Variants in SLC39A11 observed in about 807,000 individuals in gnomAD.
SLC39A11 encodes solute carrier family 39 member 11.
In SLC39A11, 33 loss-of-function variants were observed where a neutral mutation model predicts 36.1. The ratio of observed to expected loss-of-function variants is 0.91; its 90% CI spans 0.69 to 1.22. The LOEUF is 1.22. Ranked by LOEUF, SLC39A11 falls within the 50% of genes most tolerant of loss-of-function variation. The pLI is 0.00. For missense variants in SLC39A11, 432 were observed against 430.3 expected (o/e 1.00, Z -0.03); for synonymous variants, 166 against 170.3 (o/e 0.97, Z 0.20).
At chr17:72,759,102 A>AAATAAT (rs776562987) in intron 6 of SLC39A11, among the ~76,000 whole-genome samples, 6 of 135,448 alleles carry the variant, frequency 4.4e-5, no homozygotes, top group South Asian at 3.0e-4. Context: ...TTTCATCTAA[A>AAATAAT]AATAATAACA....
In SLC39A11 at chr17:73,081,084, C is replaced by CAAT. The variant is rs539792913; in HGVS notation, c.147+3721_147+3723dup. On this transcript the variant is annotated intron_variant, in intron 3 of 9. Coordinates refer to ENST00000255559, the MANE Select transcript of SLC39A11 (RefSeq NM_139177.4). ...GCAACCTATACATCTGACAAAGGAC[C>CAAT]AATATCCAGAATCTACAAGGAACTC... 3.5e-3 allele frequency among the ~76,000 whole-genome samples: 532 copies of CAAT among 151,940 alleles called. 6 individuals carry two copies. Among genetic ancestry groups the CAAT allele is most frequent in the African/African-American group, 0.012 (496 of 41,420 alleles).
intron 6 of SLC39A11, among the ~76,000 whole-genome samples, chr17:72,844,743 C>A (rs551148953): frequency 6.6e-6 from 1 of 152,270 alleles, no homozygotes; most frequent in African/African-American, 2.4e-5. Context: ...CTAGACTTTG[C>A]AAGCCAACTC....
At chr17:72,815,821 T>C (rs1042645422) in intron 6 of SLC39A11, among the ~76,000 whole-genome samples, 3 of 151,908 alleles carry the variant, frequency 2.0e-5, no homozygotes, top group African/African-American at 7.3e-5. Context: ...ACTTGGGAGA[T>C]GAGGCAGGAG....
intron 7 of SLC39A11, among the ~76,000 whole-genome samples, chr17:72,656,118 A>G (rs1384835250): frequency 6.6e-6 from 1 of 152,112 alleles, no homozygotes; most frequent in Non-Finnish European, 1.5e-5. Flanking sequence ...GAAAGGTCAG[A>G]TGAGAGGTTT....
chr17:72,784,763 C>T (rs960033646), intron 6 of SLC39A11, among the ~76,000 whole-genome samples: 9 of 152,042 alleles, frequency 5.9e-5, no homozygotes, highest in Non-Finnish European at 1.2e-4. Flanking sequence ...TGATTATAAG[C>T]TTCCTGAGAC....
Position 72,894,466 on chromosome 17 carries a change from A to G in SLC39A11, c.431-44662T>C, listed in dbSNP as rs2081929734. On this transcript the variant is annotated intron_variant, in intron 5 of 9. Coordinates refer to ENST00000255559, the MANE Select transcript of SLC39A11 (RefSeq NM_139177.4). The stretch of plus-strand genomic sequence containing the variant: ...GGGCAGATCACGAGGTCAGGAGACC[A>G]TCCTGGCTAACATGGTGAAACCTCA... Among the ~76,000 whole-genome samples, 9 of 145,958 alleles carry G rather than the reference A, an allele frequency of 6.2e-5. 1 individual carries two copies. In the South Asian group the frequency reaches 2.0e-3, roughly 32 times the overall value.
chr17:72,674,147 C>A (rs755338226), intron 7 of SLC39A11, among the ~76,000 whole-genome samples: 1 of 152,000 alleles, frequency 6.6e-6, no homozygotes, highest in African/African-American at 2.4e-5. Context: ...ACCCCTACTC[C>A]CTCCTTCCCT....
chr17:72,870,186 G>C (rs2080534677), intron 5 of SLC39A11, among the ~76,000 whole-genome samples: 1 of 152,162 alleles, frequency 6.6e-6, no homozygotes, highest in African/African-American at 2.4e-5. Flanking sequence ...AGACCACACT[G>C]AGAAACCCTG....
At chr17:73,010,403 G>C (rs2090447966) in intron 4 of SLC39A11, among the ~76,000 whole-genome samples, 2 of 152,290 alleles carry the variant, frequency 1.3e-5, no homozygotes, top group South Asian at 2.1e-4. Flanking sequence ...TTGAATTATG[G>C]AGAATGAAAC....
rs576476222 is a variant in SLC39A11 at position 72,670,270 on chromosome 17, C to T, written c.672-21002G>A. 8.3e-4 allele frequency among the ~76,000 whole-genome samples: 124 copies of T among 149,888 alleles called. 1 individual carries two copies. Among genetic ancestry groups the T allele is most frequent in the African/African-American group, 2.9e-3 (116 of 40,674 alleles). Reference sequence around the variant, plus strand: ...TCTGTGGTCCCAGTTACTCATGAGGCGGAGACAGGATGATCACTTGAGGCT... The same window carrying T: ...TCTGTGGTCCCAGTTACTCATGAGGTGGAGACAGGATGATCACTTGAGGCT... On this transcript the variant is annotated intron_variant, in intron 7 of 9. Transcript: ENST00000255559.
intron 5 of SLC39A11, among the ~76,000 whole-genome samples, chr17:72,894,526 C>T (rs1319616980): frequency 2.0e-5 from 3 of 146,586 alleles, no homozygotes; most frequent in South Asian, 2.2e-4. Context: ...AAAAATTAGC[C>T]GGGTGTGGTG....
chr17:72,726,701 A>G (rs1192578955), intron 7 of SLC39A11, among the ~76,000 whole-genome samples: 1 of 152,244 alleles, frequency 6.6e-6, no homozygotes, highest in East Asian at 1.9e-4. Context: ...TTGCTTTGTT[A>G]ACTAATGGCT....
chr17:72,961,524 G>T (rs922928875), intron 4 of SLC39A11, among the ~76,000 whole-genome samples: 2 of 152,168 alleles, frequency 1.3e-5, no homozygotes, highest in Non-Finnish European at 2.9e-5. Flanking sequence ...TTAAAAAAAT[G>T]TGGCACATAT....
intron 7 of SLC39A11, among the ~76,000 whole-genome samples, chr17:72,720,479 C>T (rs538613875): frequency 7.5e-6 from 1 of 133,052 alleles, no homozygotes; most frequent in Non-Finnish European, 1.6e-5. Flanking sequence ...TCCCTGCAGA[C>T]AGTGGAAGCT....
intron 6 of SLC39A11, among the ~76,000 whole-genome samples, chr17:72,775,295 C>A (rs1358771432): frequency 2.0e-5 from 3 of 152,210 alleles, no homozygotes; most frequent in Non-Finnish European, 4.4e-5. Flanking sequence ...TGGGGTCCAA[C>A]CTTCAGGCTG....
intron 4 of SLC39A11, among the ~76,000 whole-genome samples, chr17:73,007,854 A>G (rs993569297): frequency 1.6e-4 from 24 of 152,188 alleles, no homozygotes; most frequent in African/African-American, 5.1e-4. Flanking sequence ...TATAATCCCA[A>G]CACTTTGGGA....
At chr17:72,945,175 A>C (rs894675228) in intron 5 of SLC39A11, among the ~76,000 whole-genome samples, 3 of 152,118 alleles carry the variant, frequency 2.0e-5, no homozygotes, top group African/African-American at 7.2e-5. Flanking sequence ...TGATATCAGA[A>C]AACATTGCAC....
chr17:72,951,322 A>G (rs2085850610), intron 4 of SLC39A11, among the ~76,000 whole-genome samples: 1 of 150,980 alleles, frequency 6.6e-6, no homozygotes, highest in South Asian at 2.1e-4. Flanking sequence ...TACCTGCTTT[A>G]GAAAGAGTTA....
intron 7 of SLC39A11, among the ~76,000 whole-genome samples, chr17:72,735,676 T>G (rs889799785): frequency 1.3e-5 from 2 of 152,160 alleles, no homozygotes; most frequent in Non-Finnish European, 2.9e-5. Context: ...CTCCACCCAT[T>G]TTGATGATCT....
Sources: allele counts gnomAD v4.1 joint callset (sites outside exome capture counted in the v4.1 genomes callset), GRCh38; gene constraint gnomAD v4.1.1; transcripts MANE v1.5; gene names NCBI Gene and HGNC (gene_info 2026-07-23, HGNC 2026-07-21).